NGEF: variants seen among roughly 807,000 people sequenced by gnomAD.
NGEF encodes the protein ephexin-1.
NGEF carries 31 observed loss-of-function variants against 80.9 expected under a neutral mutation model. The ratio of observed to expected loss-of-function variants is 0.38; its 90% CI spans 0.29 to 0.52. The LOEUF (loss-of-function observed/expected upper bound fraction) is 0.52, where lower values mean the gene tolerates loss of function less well. Among genes scored for constraint, NGEF ranks in the 20% least tolerant of loss-of-function variants. The pLI, the probability that NGEF is intolerant of heterozygous loss-of-function variation, is 0.84. For synonymous variants in NGEF, 371 were observed against 370.2 expected, an observed-to-expected ratio of 1.00 and a Z score of -0.03; for missense variants, 709 against 926.2, an observed-to-expected ratio of 0.77 and a Z score of 3.04.
chr2:232,901,302 C>G, intron 5 of NGEF: 1 of 933,142 alleles, frequency 1.1e-6, no homozygotes, highest in South Asian at 5.0e-5. Flanking sequence ...CGGATCAACC[C>G]TGCGTTCCCC....
chr2:232,886,601 G>GA (rs1234903930), intron 9 of NGEF, among the ~76,000 whole-genome samples: 1 of 132,884 alleles, frequency 7.5e-6, no homozygotes, highest in African/African-American at 2.9e-5. Context: ...ATAAATCAGA[G>GA]AAAAAATAAA....
chr2:232,881,558 G>C (rs1294172254), intron 13 of NGEF, among the ~76,000 whole-genome samples: 1 of 152,148 alleles, frequency 6.6e-6, no homozygotes, highest in East Asian at 1.9e-4. Flanking sequence ...CACATGGTCA[G>C]GGTTAGCAGC....
At chr2:232,924,941 C>T (rs1026040141) in intron 4 of NGEF, among the ~76,000 whole-genome samples, 3 of 152,168 alleles carry the variant, frequency 2.0e-5, no homozygotes, top group South Asian at 2.1e-4. Flanking sequence ...TTTCTCATAA[C>T]CTTTCATTTT....
chr2:232,936,236 G>A (rs1256913241), intron 3 of NGEF, among the ~76,000 whole-genome samples: 1 of 152,222 alleles, frequency 6.6e-6, no homozygotes, highest in African/African-American at 2.4e-5. Flanking sequence ...CCGGTGAGGT[G>A]GAGGTGGAGA....
At chr2:232,970,446 G>A (rs1694162636) in intron 2 of NGEF, 118 bp from the exon 3 acceptor site, 5 of 645,120 alleles carry the variant, frequency 7.8e-6, no homozygotes, top group South Asian at 7.5e-5. Flanking sequence ...AAGCAGAGTG[G>A]GAAGGGGTGT....
intron 3 of NGEF, among the ~76,000 whole-genome samples, chr2:232,951,824 A>G (rs1451416027): frequency 3.9e-5 from 6 of 152,164 alleles, no homozygotes. Context: ...GCAGAATGAC[A>G]TGCTCAATGG....
intron 5 of NGEF, among the ~76,000 whole-genome samples, chr2:232,895,923 G>A (rs1040219388): frequency 6.6e-6 from 1 of 152,154 alleles, no homozygotes; most frequent in East Asian, 1.9e-4. Context: ...TAGCTGACTA[G>A]GATCTAACAG....
At chr2:232,995,637 T>C (rs1694822757) in intron 1 of NGEF, among the ~76,000 whole-genome samples, 2 of 54,938 alleles carry the variant, frequency 3.6e-5, no homozygotes, top group African/African-American at 5.7e-5. Context: ...ACTGTATATA[T>C]GTATTATAGT....
chr2:232,973,316 G>A (rs1360980140), intron 2 of NGEF, among the ~76,000 whole-genome samples: 2 of 152,290 alleles, frequency 1.3e-5, no homozygotes, highest in Non-Finnish European at 2.9e-5. Context: ...CTTCCACGAC[G>A]ATAGTATTTC....
At chr2:232,885,795 A>C (rs1691658777) in intron 9 of NGEF, among the ~76,000 whole-genome samples, 1 of 152,176 alleles carries the variant, frequency 6.6e-6, no homozygotes, top group Non-Finnish European at 1.5e-5. Context: ...ACAATTCTGC[A>C]GTGACACATG....
chr2:232,925,963 G>A (rs1304505530), intron 4 of NGEF, among the ~76,000 whole-genome samples: 1 of 152,070 alleles, frequency 6.6e-6, no homozygotes, highest in Non-Finnish European at 1.5e-5. Flanking sequence ...TGCAGTGTGC[G>A]CTCCACCCCC....
intron 1 of NGEF, among the ~76,000 whole-genome samples, chr2:232,979,357 T>TACACACACACACACACAC (rs375393249): frequency 9.1e-6 from 1 of 110,350 alleles, no homozygotes; most frequent in Admixed American, 9.1e-5. Flanking sequence ...GAGATGATTT[T>TACACACACACACACACAC]ACACACACAC....
chr2:232,885,178 A>G (rs948203602), intron 10 of NGEF, 102 bp downstream of exon 10: 8 of 1,052,080 alleles, frequency 7.6e-6, no homozygotes, highest in South Asian at 2.8e-5. Context: ...GCCAGTGACC[A>G]AGGACCTAAG....
chr2:232,884,771 G>C (rs1161214139), intron 10 of NGEF, among the ~76,000 whole-genome samples: 1 of 152,188 alleles, frequency 6.6e-6, no homozygotes, highest in Non-Finnish European at 1.5e-5. Context: ...GTGGGGCTCA[G>C]CTCCCAAACC....
intron 1 of NGEF, among the ~76,000 whole-genome samples, chr2:232,979,372 A>G (rs1486968294): frequency 1.1e-5 from 1 of 88,062 alleles, no homozygotes; most frequent in Non-Finnish European, 2.2e-5. Flanking sequence ...ACACACACAC[A>G]CACACACACA....
intron 9 of NGEF, 92 bp from the exon 10 acceptor site, chr2:232,885,461 AC>A: frequency 1.0e-6 from 1 of 975,548 alleles, no homozygotes; most frequent in South Asian, 1.4e-5. Flanking sequence ...GGGCTGAGTG[AC>A]CACCGTGACC....
chr2:232,879,921 G>A (rs569826948), intron 14 of NGEF, among the ~76,000 whole-genome samples: 16 of 152,272 alleles, frequency 1.1e-4, no homozygotes, highest in Admixed American at 5.9e-4. Flanking sequence ...GCAGTTCCAC[G>A]TTGACTTTGG....
rs1386395753 is a variant in NGEF, at chr2:232,920,521, C to T, written c.591G>A (p.Gln197=). Residue 197 remains glutamine (Q), a synonymous_variant, in exon 5 of 15, where the codon CAG becomes CAA. Coordinates refer to ENST00000264051, the MANE Select transcript of NGEF (RefSeq NM_019850.3). ...TGGTATTGTCTTCTATTTCTGCATC[C>T]TGTTGCCTCCTGGTTTCGATTTCTT... ...TLQEIETRRQ[Q]DAEIEDNTNG... is the part of the protein sequence containing the mutation. 3.2e-6 allele frequency: 5 copies of T among 1,573,720 alleles called. No individual in the cohort carries two copies. In the African/African-American group the frequency reaches 5.4e-5, roughly 17 times the overall value.
At chr2:232,910,449 G>A (rs1036651704) in intron 5 of NGEF, among the ~76,000 whole-genome samples, 1 of 151,822 alleles carries the variant, frequency 6.6e-6, no homozygotes, top group African/African-American at 2.4e-5. Context: ...ATGGCGAGGT[G>A]GGGGGTGGGG....
Sources: gnomAD v4.1 joint callset for allele counts (sites outside exome capture counted in the v4.1 genomes callset) on GRCh38, gnomAD v4.1.1 for gene constraint, MANE v1.5 for transcripts, NCBI Gene and HGNC (gene_info 2026-07-23, HGNC 2026-07-21) for gene names.